The following ULK4 variants were observed in gnomAD, a reference collection of about 807,000 sequenced individuals.
ULK4 encodes the protein unc-51 like kinase 4, also known as inactive serine/threonine-protein kinase ULK4.
ULK4 carries 133 observed loss-of-function variants against 160.6 expected under a neutral mutation model. That is an observed-to-expected ratio of 0.83 (90% CI 0.72 to 0.96). The LOEUF is 0.96. Among genes scored for constraint, ULK4 ranks in the 40% least tolerant of loss-of-function variants. The probability of loss-of-function intolerance (pLI) is 0.00; values close to 1 mark genes in which losing one functional copy is unlikely to be tolerated. For missense variants in ULK4, 1,580 were observed against 1,499.5 expected, an observed-to-expected ratio of 1.05 and a Z score of -0.89; for synonymous variants, 534 against 539.8, an observed-to-expected ratio of 0.99 and a Z score of 0.15.
At chr3:41,898,644 C>G (rs141860947) in intron 13 of ULK4, 152 bp from the exon 14 acceptor site, 1 of 515,134 alleles carries the variant, frequency 1.9e-6, no homozygotes, top group Non-Finnish European at 3.5e-6. Context: ...AATGACTTTT[C>G]GGATTAAAAC....
intron 34 of ULK4, among the ~76,000 whole-genome samples, chr3:41,423,739 G>A (rs75543723): frequency 0.019 from 2,962 of 152,072 alleles, 49 homozygotes; most frequent in Middle Eastern, 0.034. Flanking sequence ...GTGAGGAAAA[G>A]CAGAGTGGTA....
intron 29 of ULK4, among the ~76,000 whole-genome samples, chr3:41,678,522 G>C (rs535647878): frequency 9.2e-5 from 14 of 152,302 alleles, no homozygotes; most frequent in Non-Finnish European, 1.9e-4. Flanking sequence ...AGAGTAAAGA[G>C]ATGGCGAGAA....
chr3:41,871,396 G>A (rs1271876317), intron 17 of ULK4, among the ~76,000 whole-genome samples: 1 of 152,100 alleles, frequency 6.6e-6, no homozygotes, highest in African/African-American at 2.4e-5. Flanking sequence ...TATGTAATAT[G>A]GAGTTAAAAT....
chr3:41,699,263 T>C (rs1166040926), intron 27 of ULK4, among the ~76,000 whole-genome samples: 17 of 152,236 alleles, frequency 1.1e-4, no homozygotes, highest in Admixed American at 1.0e-3. Context: ...ACACTAAGTA[T>C]TAACTCAAAT....
chr3:41,329,273 ATC>A (rs1225291936), intron 35 of ULK4, among the ~76,000 whole-genome samples: 2 of 152,176 alleles, frequency 1.3e-5, no homozygotes, highest in South Asian at 2.1e-4. Flanking sequence ...CTACTCTGAA[ATC>A]TCTGTTTTTT....
At chr3:41,385,593 G>A (rs967860948) in intron 35 of ULK4, among the ~76,000 whole-genome samples, 3 of 152,148 alleles carry the variant, frequency 2.0e-5, no homozygotes, top group Non-Finnish European at 2.9e-5. Context: ...GCAAACAGAT[G>A]CAGAAAATGG....
chr3:41,275,620 G>A (rs1004423312), intron 35 of ULK4, among the ~76,000 whole-genome samples: 1 of 152,200 alleles, frequency 6.6e-6, no homozygotes, highest in East Asian at 1.9e-4. Flanking sequence ...TGGGGAGATA[G>A]GGGGTGGGAA....
chr3:41,930,745 A>G (rs1439775439), intron 5 of ULK4, among the ~76,000 whole-genome samples: 5 of 152,236 alleles, frequency 3.3e-5, no homozygotes, highest in Non-Finnish European at 2.9e-5. Context: ...AAAAAAGCTC[A>G]CCAGCACTGA....
At chr3:41,503,004 A>C (rs1012042429) in intron 32 of ULK4, among the ~76,000 whole-genome samples, 1 of 152,232 alleles carries the variant, frequency 6.6e-6, no homozygotes, top group Admixed American at 6.5e-5. Flanking sequence ...ACAGCAATAC[A>C]ACTATTGATA....
intron 35 of ULK4, among the ~76,000 whole-genome samples, chr3:41,282,088 T>G (rs1282330343): frequency 6.6e-6 from 1 of 151,976 alleles, no homozygotes; most frequent in Non-Finnish European, 1.5e-5. Flanking sequence ...GGAATCCAAC[T>G]TACAAAGGAT....
chr3:41,941,340 A>AAAT (rs72190549), intron 2 of ULK4, among the ~76,000 whole-genome samples: 1 of 3,386 alleles, frequency 3.0e-4, no homozygotes, highest in Non-Finnish European at 0.018. Context: ...GCCCAGCTTG[A>AAAT]AAAAAAAAAA....
chr3:41,717,706 T>C lies in ULK4; in HGVS notation c.2455+22A>G, dbSNP rs367591248. 18 of 1,593,062 alleles carry C rather than the reference T, an allele frequency of 1.1e-5. No individual in the cohort carries two copies. In the South Asian group the frequency reaches 1.9e-4, roughly 17 times the overall value. On this transcript the variant is annotated intron_variant, in intron 23 of 36. Transcript: ENST00000301831. ...GAAACGTAAAAGCAGAAATGGGGCCTGAGGATGAGACTCCAATTTACCCAG... is the reference window on the plus strand; with the variant it reads ...GAAACGTAAAAGCAGAAATGGGGCCCGAGGATGAGACTCCAATTTACCCAG...
intron 35 of ULK4, among the ~76,000 whole-genome samples, chr3:41,345,646 A>G (rs1575452521): frequency 6.6e-6 from 1 of 152,172 alleles, no homozygotes; most frequent in East Asian, 1.9e-4. Flanking sequence ...GGCGGGAAGG[A>G]GAGCATCAGG....
At chr3:41,404,385 C>T (rs746972146) in intron 34 of ULK4, among the ~76,000 whole-genome samples, 1 of 152,046 alleles carries the variant, frequency 6.6e-6, no homozygotes, top group Non-Finnish European at 1.5e-5. Flanking sequence ...TGTACTTTAT[C>T]TGATATTAAT....
chr3:41,737,912 C>G (rs1400480878), intron 22 of ULK4, among the ~76,000 whole-genome samples: 1 of 151,912 alleles, frequency 6.6e-6, no homozygotes, highest in African/African-American at 2.4e-5. Context: ...GAATAGACCA[C>G]TTAGCAACTA....
intron 21 of ULK4, among the ~76,000 whole-genome samples, chr3:41,783,731 C>T (rs2125585952): frequency 6.6e-6 from 1 of 152,174 alleles, no homozygotes; most frequent in East Asian, 1.9e-4. Context: ...AGTCTGATAA[C>T]AATTAAAGTA....
intron 19 of ULK4, among the ~76,000 whole-genome samples, chr3:41,804,902 G>C (rs2040593816): frequency 1.3e-5 from 2 of 152,142 alleles, no homozygotes; most frequent in Non-Finnish European, 2.9e-5. Context: ...AGTATAGTTT[G>C]AAGTCAGGTA....
At chr3:41,860,718 A>G (rs1419610582) in intron 17 of ULK4, among the ~76,000 whole-genome samples, 2 of 152,138 alleles carry the variant, frequency 1.3e-5, no homozygotes, top group East Asian at 3.9e-4. Context: ...TTTACATTCA[A>G]TGTTATTATT....
rs66602936 is a variant in ULK4 at position 41,300,837 on chromosome 3, T to TTATATATA, written c.3679-51271_3679-51264dup. On this transcript the variant is annotated intron_variant, in intron 35 of 36. Transcript: ENST00000301831. ...GATTAAATTTTGATCATTTTACAGA[T>TTATATATA]TATATATATATATATATATATATAT... 7.8e-3 allele frequency among the ~76,000 whole-genome samples: 447 copies of TTATATATA among 57,568 alleles called. 7 individuals are homozygous for TTATATATA. The highest frequency in any genetic ancestry group is 0.011 in the Non-Finnish European group (277 of 24,510). The allele number at this position is 57,568 out of a possible 152,430, so 37.8% of individuals were successfully genotyped here.
Sources: allele counts gnomAD v4.1 joint callset (sites outside exome capture counted in the v4.1 genomes callset), GRCh38; gene constraint gnomAD v4.1.1; transcripts MANE v1.5; gene names NCBI Gene and HGNC (gene_info 2026-07-23, HGNC 2026-07-21).